ADAMTSL1: variants seen among roughly 807,000 people sequenced by gnomAD.
ADAMTSL1 encodes ADAMTS like 1.
Under a neutral mutation model 201.8 loss-of-function variants are expected in ADAMTSL1, and 126 were observed. The ratio of observed to expected loss-of-function variants is 0.62; its 90% CI spans 0.54 to 0.72. ADAMTSL1 has a LOEUF of 0.72. Among genes scored for constraint, ADAMTSL1 ranks in the 30% least tolerant of loss-of-function variants. ADAMTSL1 has a pLI of 0.00. For missense variants in ADAMTSL1, 2,679 were observed against 2,277.8 expected (o/e 1.18, Z -3.59); for synonymous variants, 1,121 against 903.4 (o/e 1.24, Z -4.32).
intron 2 of ADAMTSL1, among the ~76,000 whole-genome samples, chr9:18,173,751 A>G (rs897404383): frequency 6.6e-6 from 1 of 152,220 alleles, no homozygotes; most frequent in South Asian, 2.1e-4. Context: ...GGTTTAAAAA[A>G]TGTTAACATT....
intron 2 of ADAMTSL1, among the ~76,000 whole-genome samples, chr9:18,359,641 G>A (rs956778480): frequency 6.6e-6 from 1 of 152,098 alleles, no homozygotes; most frequent in Non-Finnish European, 1.5e-5. Flanking sequence ...GCTTTCTTCT[G>A]CACCAAGATT....
chr9:17,943,058 A>G (rs1355070047), intron 1 of ADAMTSL1, among the ~76,000 whole-genome samples: 1 of 152,006 alleles, frequency 6.6e-6, no homozygotes, highest in African/African-American at 2.4e-5. Flanking sequence ...AGTAGCTGGG[A>G]TTAGAGGTGT....
chr9:18,504,971 C>A lies in ADAMTSL1; in HGVS notation c.191+15C>A. On this transcript the variant is annotated intron_variant, in intron 2 of 28. Transcript: ENST00000380548. The stretch of plus-strand genomic sequence containing the variant: ...CTGAGCAGCAAGTAAGTCCTGCACC[C>A]GTTGGGGGTCTTTGTGAGAACCAGA... 1 of 1,594,200 alleles carries A rather than the reference C, an allele frequency of 6.3e-7. No homozygotes were observed. Among genetic ancestry groups the A allele is most frequent in the Non-Finnish European group, 8.5e-7 (1 of 1,175,834 alleles).
At chr9:18,842,329 T>A (rs1265704869) in intron 23 of ADAMTSL1, among the ~76,000 whole-genome samples, 1 of 152,178 alleles carries the variant, frequency 6.6e-6, no homozygotes, top group Non-Finnish European at 1.5e-5. Context: ...TTGTTCAGTT[T>A]CCATGTAGTT....
At chr9:18,784,521 T>C (rs1366097519) in intron 19 of ADAMTSL1, among the ~76,000 whole-genome samples, 3 of 152,232 alleles carry the variant, frequency 2.0e-5, no homozygotes, top group Admixed American at 6.5e-5. Flanking sequence ...TCCAGAGTGA[T>C]ACCTGTTCCT....
chr9:18,868,433 T>C (rs554558171), intron 23 of ADAMTSL1, among the ~76,000 whole-genome samples: 2 of 152,226 alleles, frequency 1.3e-5, no homozygotes, highest in African/African-American at 4.8e-5. Context: ...CTTTAAAGAT[T>C]GTTGGGGTTT....
intron 2 of ADAMTSL1, among the ~76,000 whole-genome samples, chr9:18,307,780 G>A (rs191425814): frequency 6.6e-6 from 1 of 152,188 alleles, no homozygotes; most frequent in East Asian, 1.9e-4. Context: ...ATATTACACA[G>A]ATCAATGAGA....
At chr9:18,298,805 C>A (rs1833578357) in intron 2 of ADAMTSL1, among the ~76,000 whole-genome samples, 1 of 151,648 alleles carries the variant, frequency 6.6e-6, no homozygotes, top group Admixed American at 6.6e-5. Flanking sequence ...GGGCGGATCA[C>A]GAGGTCAGGA....
chr9:17,928,398 G>T (rs183041600), intron 1 of ADAMTSL1, among the ~76,000 whole-genome samples: 309 of 152,294 alleles, frequency 2.0e-3, no homozygotes, highest in African/African-American at 7.2e-3. Context: ...TCAAGGTAGA[G>T]CTAATAGTTT....
intron 23 of ADAMTSL1, among the ~76,000 whole-genome samples, chr9:18,867,376 T>A (rs184072526): frequency 2.4e-4 from 36 of 152,332 alleles, no homozygotes; most frequent in African/African-American, 8.7e-4. Context: ...AAAATAGAGC[T>A]GAATAGGCAA....
intron 2 of ADAMTSL1, among the ~76,000 whole-genome samples, chr9:18,236,299 T>C (rs1223420356): frequency 6.6e-6 from 1 of 152,162 alleles, no homozygotes; most frequent in Non-Finnish European, 1.5e-5. Flanking sequence ...TGGTCTTGAA[T>C]GCCTGACCCC....
chr9:18,041,351 G>T (rs1200121688), intron 1 of ADAMTSL1, among the ~76,000 whole-genome samples: 1 of 152,126 alleles, frequency 6.6e-6, no homozygotes, highest in East Asian at 1.9e-4. Context: ...ATTTAATGGT[G>T]CTAGTTTTAT....
At chr9:18,111,187 ACTGT>A (rs1824990820) in intron 1 of ADAMTSL1, among the ~76,000 whole-genome samples, 1 of 152,162 alleles carries the variant, frequency 6.6e-6, no homozygotes. Context: ...AGTTCTCCTA[ACTGT>A]CTATGCTATC....
chr9:18,553,037 T>C (rs1216691139), intron 3 of ADAMTSL1, among the ~76,000 whole-genome samples: 1 of 151,586 alleles, frequency 6.6e-6, no homozygotes, highest in Non-Finnish European at 1.5e-5. Context: ...ATATTTAATG[T>C]AAACATTTTT....
chr9:18,822,039 G>A (rs952408657), intron 21 of ADAMTSL1, among the ~76,000 whole-genome samples: 1 of 152,166 alleles, frequency 6.6e-6, no homozygotes, highest in Non-Finnish European at 1.5e-5. Flanking sequence ...GCATGGGGCT[G>A]TTGAAAAGAT....
At chr9:18,561,127 G>T (rs988047810) in intron 3 of ADAMTSL1, among the ~76,000 whole-genome samples, 2 of 152,072 alleles carry the variant, frequency 1.3e-5, no homozygotes, top group African/African-American at 4.8e-5. Flanking sequence ...TGATATTAGG[G>T]TGTCGATTTT....
chr9:18,853,996 G>C (rs1340772259), intron 23 of ADAMTSL1, among the ~76,000 whole-genome samples: 1 of 151,958 alleles, frequency 6.6e-6, no homozygotes, highest in African/African-American at 2.4e-5. Flanking sequence ...GTCTACCACT[G>C]TTGGAGGTGG....
intron 26 of ADAMTSL1, among the ~76,000 whole-genome samples, chr9:18,896,723 C>T (rs1438279085): frequency 1.3e-5 from 2 of 152,206 alleles, no homozygotes; most frequent in Non-Finnish European, 2.9e-5. Flanking sequence ...TCTTTGCAAT[C>T]AGTGGATCAG....
intron 2 of ADAMTSL1, among the ~76,000 whole-genome samples, chr9:18,432,834 G>T (rs1200469899): frequency 6.6e-6 from 1 of 152,136 alleles, no homozygotes; most frequent in Admixed American, 6.5e-5. Context: ...TTAAAATTAT[G>T]CCTGTACCTT....
Sources: allele counts gnomAD v4.1 joint callset (sites outside exome capture counted in the v4.1 genomes callset), GRCh38; gene constraint gnomAD v4.1.1; transcripts MANE v1.5; gene names NCBI Gene and HGNC (gene_info 2026-07-23, HGNC 2026-07-21).